Variants in AFP observed in about 807,000 individuals in gnomAD.
The protein encoded by AFP is alpha-fetoprotein.
AFP carries 64 observed loss-of-function variants against 78.9 expected under a neutral mutation model. The ratio of observed to expected loss-of-function variants is 0.81; its 90% CI spans 0.66 to 1.00. AFP has a LOEUF of 1.00. AFP is among the 50% of genes least tolerant of loss of function. The pLI is 0.00. For missense variants in AFP, 689 were observed against 703.8 expected, an observed-to-expected ratio of 0.98 and a Z score of 0.24; for synonymous variants, 254 against 243.8, an observed-to-expected ratio of 1.04 and a Z score of -0.39.
At chr4:73,436,384 AT>A (rs2149332395) in intron 1 of AFP, 37 bp downstream of exon 1, 1 of 1,231,068 alleles carries the variant, frequency 8.1e-7, no homozygotes, top group Non-Finnish European at 1.1e-6. Context: ...TTTTCTCTAT[AT>A]CAAAATTTTT....
At position 73,453,880 on chromosome 4, in the gene AFP, G is replaced by T. The variant is rs142115366; in HGVS notation, c.1768G>T (p.Val590Phe). The change falls in exon 13 of 15, where the codon GTC becomes TTC. Residue 590 changes from valine (V) to phenylalanine (F), a missense_variant. Val to Phe is a conservative substitution (Grantham distance 50). Transcript: ENST00000395792. ...ATGCTGCCAAGGCCAGGAACAGGAA[G>T]TCTGCTTTGCTGAAGAGGTACATGC... is the stretch of plus-strand genomic sequence containing the variant. The part of the protein sequence containing the change: ...EKCCQGQEQE[V>F]CFAEEGQKLI... 14 of 1,613,634 alleles carry T rather than the reference G, an allele frequency of 8.7e-6. No homozygotes were observed. The highest frequency in any genetic ancestry group is 1.2e-5 in the Non-Finnish European group (14 of 1,179,708).
chr4:73,445,627 A>G (rs1160341561), intron 7 of AFP, among the ~76,000 whole-genome samples: 1 of 152,156 alleles, frequency 6.6e-6, no homozygotes, highest in East Asian at 1.9e-4. Context: ...TGTTATCTCC[A>G]TAGCACAATG....
At chr4:73,450,324 A>G (rs1202503837) in intron 10 of AFP, among the ~76,000 whole-genome samples, 191 bp downstream of exon 10, 1 of 152,150 alleles carries the variant, frequency 6.6e-6, no homozygotes, top group Non-Finnish European at 1.5e-5. Flanking sequence ...GTCCGAGTTA[A>G]AGCACCAAAA....
At chr4:73,444,865 C>A in intron 6 of AFP, 128 bp from the exon 7 acceptor site, 1 of 860,480 alleles carries the variant, frequency 1.2e-6, no homozygotes, top group Non-Finnish European at 1.7e-6. Context: ...GTTTCCTTTT[C>A]TTTTTAAACA....
intron 11 of AFP, among the ~76,000 whole-genome samples, chr4:73,451,488 G>A (rs1256070682): frequency 6.6e-6 from 1 of 152,110 alleles, no homozygotes; most frequent in African/African-American, 2.4e-5. Context: ...TTTCCCCAAA[G>A]GTTAAGAGTA....
At chr4:73,451,597 T>C (rs1045972168) in intron 11 of AFP, among the ~76,000 whole-genome samples, 2 of 152,130 alleles carry the variant, frequency 1.3e-5, no homozygotes. Flanking sequence ...GGTTCAGGAG[T>C]GTATGTTCCG....
At chr4:73,447,293 T>C (rs7667243) in intron 7 of AFP, among the ~76,000 whole-genome samples, 169 bp from the exon 8 acceptor site, 148,546 of 151,454 alleles carry the variant, frequency 0.98, 72,919 homozygotes, top group Non-Finnish European at 1. Flanking sequence ...TCCTCCTTCC[T>C]CCATCCCTCT....
At chr4:73,450,795 G>A (rs751697585) in intron 11 of AFP, 42 bp downstream of exon 11, 16 of 1,612,738 alleles carry the variant, frequency 9.9e-6, no homozygotes, top group African/African-American at 1.3e-5. Context: ...TTTCTGCCCT[G>A]TTTGACTTGA....
intron 3 of AFP, among the ~76,000 whole-genome samples, chr4:73,438,971 A>G (rs557110777): frequency 1.3e-5 from 2 of 152,294 alleles, no homozygotes; most frequent in East Asian, 3.9e-4. Context: ...CCAGGATTTG[A>G]ACTAGACCAT....
intron 2 of AFP, 31 bp from the exon 3 acceptor site, chr4:73,438,143 C>T: frequency 1.2e-6 from 2 of 1,612,420 alleles, no homozygotes; most frequent in African/African-American, 1.3e-5. Flanking sequence ...CAGGTCTGTT[C>T]CTTAAGGATT....
chr4:73,438,378 A>T (rs1719571764), intron 3 of AFP, 72 bp downstream of exon 3: 20 of 1,505,718 alleles, frequency 1.3e-5, no homozygotes, highest in Non-Finnish European at 1.6e-5. Context: ...AAGATACAAA[A>T]ATAGCAGTGA....
chr4:73,443,910 T>G (rs1193037889), intron 6 of AFP, among the ~76,000 whole-genome samples: 1 of 152,140 alleles, frequency 6.6e-6, no homozygotes, highest in African/African-American at 2.4e-5. Context: ...AATATTCCTT[T>G]GAGGCAATAA....
At chr4:73,448,523 G>T (rs980990393) in intron 8 of AFP, among the ~76,000 whole-genome samples, 2 of 152,120 alleles carry the variant, frequency 1.3e-5, no homozygotes. Context: ...TGTTTGCACT[G>T]CTAAATAAAA....
At chr4:73,440,870 T>A in intron 4 of AFP, 57 bp downstream of exon 4, 6 of 1,498,500 alleles carry the variant, frequency 4.0e-6, no homozygotes, top group Non-Finnish European at 5.5e-6. Context: ...ATGGCAAGCC[T>A]AATTTAGTAT....
At chr4:73,441,710 T>C (rs575070774) in intron 4 of AFP, among the ~76,000 whole-genome samples, 2 of 152,160 alleles carry the variant, frequency 1.3e-5, no homozygotes, top group South Asian at 4.2e-4. Context: ...TGATAGGAAA[T>C]TGAAGGTTGG....
In AFP at chr4:73,450,150, A is replaced by G; in HGVS notation, c.1289+17A>G. On this transcript the variant is annotated intron_variant, in intron 10 of 14. Transcript: ENST00000395792. ...ACAAAATGCGTATGTTTTTGTAAACAGTATTTTTAGTGAATTAAAATTATT... is the reference window on the plus strand; with the variant it reads ...ACAAAATGCGTATGTTTTTGTAAACGGTATTTTTAGTGAATTAAAATTATT... 2 of 1,552,358 alleles carry G rather than the reference A, an allele frequency of 1.3e-6. No homozygotes were observed. Among genetic ancestry groups the G allele is most frequent in the Non-Finnish European group, 1.8e-6 (2 of 1,126,356 alleles).
At position 73,438,611 on chromosome 4, in the gene AFP, AT is replaced by A. The variant is rs1719578282; in HGVS notation, c.270+306del. 2.0e-5 allele frequency among the ~76,000 whole-genome samples: 3 copies of A among 152,264 alleles called. No homozygotes were observed. In the South Asian group the frequency reaches 6.2e-4, roughly 32 times the overall value. ...CTTATCTGTAAAATAAGGGATGATA[AT>A]AGCTCCCATTTCATAGTTAGCATGG... On this transcript the variant is annotated intron_variant, in intron 3 of 14. Transcript: ENST00000395792.
chr4:73,436,481 T>A, intron 1 of AFP, 134 bp downstream of exon 1: 1 of 576,778 alleles, frequency 1.7e-6, no homozygotes, highest in Non-Finnish European at 3.0e-6. Context: ...AACTGATGGA[T>A]ATATTTAAAT....
At chr4:73,442,249 C>T in intron 4 of AFP, 47 bp from the exon 5 acceptor site, 1 of 1,570,332 alleles carries the variant, frequency 6.4e-7, no homozygotes, top group Non-Finnish European at 8.7e-7. Context: ...AGTAGTAGTC[C>T]TATTTTTAGG....
Sources: allele counts gnomAD v4.1 joint callset (sites outside exome capture counted in the v4.1 genomes callset), GRCh38; gene constraint gnomAD v4.1.1; transcripts MANE v1.5; gene names NCBI Gene and HGNC (gene_info 2026-07-23, HGNC 2026-07-21).